Variants in FOXP1 observed in about 807,000 individuals in gnomAD.
The protein encoded by FOXP1 is forkhead box P1.
Under a neutral mutation model 98.2 loss-of-function variants are expected in FOXP1, and 15 were observed. The observed-to-expected ratio is 0.15, with a 90% CI of 0.10 to 0.24. The LOEUF is 0.24. Among genes scored for constraint, FOXP1 ranks in the 10% least tolerant of loss-of-function variants. The probability of loss-of-function intolerance (pLI) is 1.00; values close to 1 mark genes in which losing one functional copy is unlikely to be tolerated. For synonymous variants in FOXP1, 371 were observed against 314.5 expected, an observed-to-expected ratio of 1.18 and a Z score of -1.90; for missense variants, 633 against 848.5, an observed-to-expected ratio of 0.75 and a Z score of 3.15.
In FOXP1 at chr3:71,096,654, C is replaced by T. The variant is rs145353320; in HGVS notation, c.282+15882G>A. Among the ~76,000 whole-genome samples the T allele has an allele frequency of 6.6e-5, 10 of 152,274 alleles. No individual in the cohort carries two copies. The East Asian group carries it at 1.9e-3, about 29-fold the overall frequency. ...CTTGGATTCAAGACAGAGCTGTATGCATTTTAGATACTGTAGATCTATATA... is the reference window on the plus strand; with the variant it reads ...CTTGGATTCAAGACAGAGCTGTATGTATTTTAGATACTGTAGATCTATATA... On this transcript the variant is annotated intron_variant, in intron 7 of 20. Coordinates refer to ENST00000649528, the MANE Select transcript of FOXP1 (RefSeq NM_001349338.3).
At chr3:71,506,942 T>C (rs757547767) in intron 2 of FOXP1, among the ~76,000 whole-genome samples, 41 of 152,168 alleles carry the variant, frequency 2.7e-4, no homozygotes, top group Admixed American at 2.3e-3. Flanking sequence ...TGAGATTAAA[T>C]TATCCAATTG....
At chr3:71,366,058 G>A (rs2078910579) in intron 3 of FOXP1, among the ~76,000 whole-genome samples, 1 of 152,194 alleles carries the variant, frequency 6.6e-6, no homozygotes, top group Admixed American at 6.5e-5. Context: ...GATAGAATAT[G>A]CCAGAAACAA....
intron 11 of FOXP1, among the ~76,000 whole-genome samples, chr3:71,023,487 G>C (rs1431819998): frequency 6.6e-6 from 1 of 152,106 alleles, no homozygotes; most frequent in African/African-American, 2.4e-5. Context: ...CTACACTTAC[G>C]CTACAATGGC....
intron 6 of FOXP1, 53 bp downstream of exon 6, chr3:71,198,149 C>G: frequency 6.2e-7 from 1 of 1,613,556 alleles, no homozygotes. Flanking sequence ...TAAAATTCAG[C>G]AGTAAAATTC....
chr3:71,571,304 TA>T (rs1387577907), intron 2 of FOXP1: 1 of 152,204 alleles, frequency 6.6e-6, no homozygotes, highest in Non-Finnish European at 1.5e-5. Flanking sequence ...TAAAAAAAAT[TA>T]AAACTGCTGT....
chr3:71,130,400 C>T (rs2059493519), intron 6 of FOXP1: 8 of 1,215,896 alleles, frequency 6.6e-6, no homozygotes, highest in South Asian at 5.1e-5. Flanking sequence ...AGTTGGATCA[C>T]CTTATTTCGC....
chr3:70,974,429 T>G (rs2037058364), intron 17 of FOXP1, among the ~76,000 whole-genome samples: 1 of 152,054 alleles, frequency 6.6e-6, no homozygotes, highest in Admixed American at 6.5e-5. Context: ...TCCTGAGTAG[T>G]TGGGACTAGA....
At chr3:71,299,047 G>C (rs1560267410) in intron 5 of FOXP1, among the ~76,000 whole-genome samples, 1 of 152,024 alleles carries the variant, frequency 6.6e-6, no homozygotes, top group Non-Finnish European at 1.5e-5. Flanking sequence ...TAAAACGACC[G>C]GCAGGATCAT....
chr3:71,370,951 G>C (rs573513640), intron 3 of FOXP1, among the ~76,000 whole-genome samples: 1 of 151,792 alleles, frequency 6.6e-6, no homozygotes, highest in Non-Finnish European at 1.5e-5. Flanking sequence ...ACAGGCACAC[G>C]CCACGACGCC....
Position 70,954,892 on chromosome 3 carries a change from A to C in FOXP1, c.*4355T>G. 8.6e-6 allele frequency: 2 copies of C among 232,958 alleles called. No individual in the cohort carries two copies. Among genetic ancestry groups the C allele is most frequent in the Non-Finnish European group, 1.7e-5 (2 of 117,870 alleles). 14.4% of individuals were successfully genotyped at this position (232,958 alleles called of 1,614,324 possible). The stretch of plus-strand genomic sequence containing the variant: ...GCCTTATCAAAACAAAACAAAACAA[A>C]ACAAAAAAATTCTTGTTACTGGCAG... On this transcript the variant is annotated 3_prime_UTR_variant, in exon 21 of 21. Transcript: ENST00000649528.
At position 71,198,395 on chromosome 3, in the gene FOXP1, G is replaced by T; in HGVS notation, c.-11-3C>A. ...TTCTTGCATCATGACTCAAAAACCT[G>T]ATACAAGGATTTCCAAGATGGGGGG... On this transcript the variant is annotated splice_polypyrimidine_tract_variant and splice_region_variant and intron_variant, in intron 5 of 20. Transcript: ENST00000649528. The T allele has an allele frequency of 1.3e-6, 1 of 795,212 alleles. No individual in the cohort carries two copies. The highest frequency in any genetic ancestry group is 1.9e-6 in the Non-Finnish European group (1 of 516,896). The allele number at this position is 795,212 out of a possible 1,614,324, so 49.3% of individuals were successfully genotyped here.
At chr3:71,377,996 CTGTTTTT>C (rs759964489) in intron 3 of FOXP1, among the ~76,000 whole-genome samples, 9 of 151,118 alleles carry the variant, frequency 6.0e-5, no homozygotes, top group Non-Finnish European at 1.0e-4. Flanking sequence ...CACACTGGTC[CTGTTTTT>C]TGTTTTTTGT....
chr3:71,385,807 C>G (rs13070452), intron 3 of FOXP1, among the ~76,000 whole-genome samples: 3 of 151,932 alleles, frequency 2.0e-5, no homozygotes, highest in Non-Finnish European at 4.4e-5. Context: ...CAGCCACTTT[C>G]TTTTCCCCGC....
chr3:71,272,138 A>C (rs1292637108), intron 5 of FOXP1, among the ~76,000 whole-genome samples: 1 of 152,176 alleles, frequency 6.6e-6, no homozygotes, highest in Non-Finnish European at 1.5e-5. Context: ...CACCCAAAAA[A>C]CAACCACCGA....
At chr3:71,265,441 A>G (rs2069545679) in intron 5 of FOXP1, among the ~76,000 whole-genome samples, 1 of 152,210 alleles carries the variant, frequency 6.6e-6, no homozygotes, top group Non-Finnish European at 1.5e-5. Context: ...CCTCAAAGAG[A>G]TGAGGAACAC....
chr3:71,391,605 C>T (rs2081039021), intron 3 of FOXP1, among the ~76,000 whole-genome samples: 1 of 152,226 alleles, frequency 6.6e-6, no homozygotes, highest in African/African-American at 2.4e-5. Flanking sequence ...CAATGGTAAA[C>T]AGGCCACAAG....
intron 20 of FOXP1, 102 bp from the exon 21 acceptor site, chr3:70,959,493 T>C: frequency 7.9e-7 from 1 of 1,260,434 alleles, no homozygotes; most frequent in South Asian, 1.2e-5. Flanking sequence ...ACTCTAGAAC[T>C]AGAACTCTGT....
chr3:71,148,455 C>G (rs2060422935), intron 6 of FOXP1, among the ~76,000 whole-genome samples: 1 of 152,148 alleles, frequency 6.6e-6, no homozygotes, highest in Non-Finnish European at 1.5e-5. Context: ...CAATCTCACT[C>G]TTAAAGAAAA....
intron 3 of FOXP1, among the ~76,000 whole-genome samples, chr3:71,428,778 C>T (rs1398044737): frequency 6.6e-6 from 1 of 152,206 alleles, no homozygotes; most frequent in Non-Finnish European, 1.5e-5. Flanking sequence ...GACACACATA[C>T]ACACAAAAGA....
Sources: allele counts gnomAD v4.1 joint callset (sites outside exome capture counted in the v4.1 genomes callset), GRCh38; gene constraint gnomAD v4.1.1; transcripts MANE v1.5; gene names NCBI Gene and HGNC (gene_info 2026-07-23, HGNC 2026-07-21).